PKN2: variants seen among roughly 807,000 people sequenced by gnomAD.
PKN2 encodes the protein protein kinase N2.
A neutral mutation model predicts 119.1 loss-of-function variants in PKN2; 38 were observed. The ratio of observed to expected loss-of-function variants is 0.32; its 90% CI spans 0.25 to 0.42. The LOEUF is 0.42. Ranked by LOEUF, PKN2 falls within the 10% of genes least tolerant of loss-of-function variation. The pLI is 1.00. For missense variants in PKN2, 850 were observed against 1,165.1 expected (o/e 0.73, Z 3.94); for synonymous variants, 390 against 384.9 (o/e 1.01, Z -0.15).
At chr1:88,817,367 G>A (rs979882819) in intron 16 of PKN2, among the ~76,000 whole-genome samples, 7 of 147,322 alleles carry the variant, frequency 4.8e-5, no homozygotes, top group African/African-American at 7.6e-5. Context: ...CGGAGATCAC[G>A]CCACTGCACT....
intron 19 of PKN2, 125 bp from the exon 20 acceptor site, chr1:88,832,607 ATTGTTGTTGTTG>A (rs3835587): frequency 6.8e-5 from 39 of 575,952 alleles, no homozygotes; most frequent in Non-Finnish European, 1.1e-4. Context: ...GCATGGGTTT[ATTGTTGTTGTTG>A]TTGTTGTTGT....
chr1:88,738,871 A>T (rs760954024), intron 1 of PKN2, among the ~76,000 whole-genome samples: 4 of 152,234 alleles, frequency 2.6e-5, no homozygotes, highest in African/African-American at 7.2e-5. Context: ...TTGGGATTTT[A>T]TTCTTTGACA....
chr1:88,751,814 C>T (rs926145387), intron 2 of PKN2, among the ~76,000 whole-genome samples: 5 of 152,096 alleles, frequency 3.3e-5, no homozygotes, highest in South Asian at 2.1e-4. Flanking sequence ...TTTAGAAAGA[C>T]GATTTCCCCT....
At chr1:88,709,349 G>C (rs1233460063) in intron 1 of PKN2, among the ~76,000 whole-genome samples, 3 of 151,988 alleles carry the variant, frequency 2.0e-5, no homozygotes, top group Admixed American at 2.0e-4. Context: ...ACTGCACCCG[G>C]CCCATCAAAA....
rs960807917 is a variant in PKN2 at position 88,703,204 on chromosome 1, T to G, written c.48+18576T>G. ...TTCATTCATGCTGAGCAACCAAAGT[T>G]TTTTTTTAATGTATAGTGAGAGATC... On this transcript the variant is annotated intron_variant, in intron 1 of 21. Coordinates refer to ENST00000370521, the MANE Select transcript of PKN2 (RefSeq NM_006256.4). 4.3e-4 allele frequency among the ~76,000 whole-genome samples: 66 copies of G among 152,122 alleles called. 3 individuals carry two copies. Among genetic ancestry groups the G allele is most frequent in the Admixed American group, 4.3e-3 (65 of 15,272 alleles).
intron 1 of PKN2, among the ~76,000 whole-genome samples, chr1:88,706,567 A>C (rs1667013796): frequency 6.6e-6 from 1 of 152,160 alleles, no homozygotes; most frequent in Non-Finnish European, 1.5e-5. Context: ...ATTAGGGAGA[A>C]AGCATGCAGC....
At chr1:88,697,307 T>C (rs1666578508) in intron 1 of PKN2, among the ~76,000 whole-genome samples, 1 of 152,164 alleles carries the variant, frequency 6.6e-6, no homozygotes, top group African/African-American at 2.4e-5. Context: ...AATAAATAAA[T>C]GAACAGATTT....
chr1:88,814,302 G>A (rs1671897730), intron 16 of PKN2, among the ~76,000 whole-genome samples: 1 of 152,096 alleles, frequency 6.6e-6, no homozygotes, highest in Admixed American at 6.6e-5. Flanking sequence ...TTGAATTCAA[G>A]GTTTGGCTTA....
chr1:88,717,413 C>T (rs1322752798), intron 1 of PKN2, among the ~76,000 whole-genome samples: 6 of 152,044 alleles, frequency 3.9e-5, no homozygotes, highest in African/African-American at 1.2e-4. Context: ...TCCATTCTCC[C>T]CATCACTTTC....
chr1:88,773,223 G>A (rs1205615586), intron 6 of PKN2, among the ~76,000 whole-genome samples: 1 of 146,312 alleles, frequency 6.8e-6, no homozygotes, highest in African/African-American at 2.7e-5. Context: ...CATTCTGTCA[G>A]TCTTTTTTTT....
intron 1 of PKN2, among the ~76,000 whole-genome samples, chr1:88,693,230 T>C (rs1021597597): frequency 1.3e-5 from 2 of 152,226 alleles, no homozygotes; most frequent in Non-Finnish European, 2.9e-5. Context: ...TGTGAGTCAG[T>C]TATTTAGGTA....
At position 88,684,514 on chromosome 1, in the gene PKN2, C is replaced by A. The variant is rs1320338624; in HGVS notation, c.-67C>A. ...CCCCTCTCCTCACCCCCACCCCGAG[C>A]CCCGTCCCGCCTTCTCCCTTCGCCA... is the stretch of plus-strand genomic sequence containing the variant. On this transcript the variant is annotated 5_prime_UTR_variant, in exon 1 of 22. Coordinates refer to ENST00000370521, the MANE Select transcript of PKN2 (RefSeq NM_006256.4). The A allele has an allele frequency of 2.1e-6, 3 of 1,401,424 alleles. No individual in the cohort carries two copies. The highest frequency in any genetic ancestry group is 2.9e-6 in the Non-Finnish European group (3 of 1,023,752). The allele number at this position is 1,401,424 out of a possible 1,614,324, so 86.8% of individuals were successfully genotyped here.
intron 1 of PKN2, among the ~76,000 whole-genome samples, chr1:88,702,608 C>T (rs1666817850): frequency 2.0e-5 from 3 of 152,042 alleles, no homozygotes; most frequent in African/African-American, 7.2e-5. Flanking sequence ...TTTATTTTAT[C>T]CCATATTCTT....
At chr1:88,753,138 C>G (rs1014303566) in intron 2 of PKN2, among the ~76,000 whole-genome samples, 1 of 152,162 alleles carries the variant, frequency 6.6e-6, no homozygotes, top group Non-Finnish European at 1.5e-5. Flanking sequence ...TGCCTACACC[C>G]TAGCTTATAT....
intron 2 of PKN2, among the ~76,000 whole-genome samples, chr1:88,757,667 T>G (rs1450678252): frequency 6.6e-6 from 1 of 152,076 alleles, no homozygotes; most frequent in Non-Finnish European, 1.5e-5. Flanking sequence ...AGTCTTTAGC[T>G]TTTATAGAAG....
intron 8 of PKN2, among the ~76,000 whole-genome samples, chr1:88,797,636 C>CA (rs1162541843): frequency 0.023 from 1,887 of 82,650 alleles, 37 homozygotes; most frequent in East Asian, 0.087. Context: ...GACTCCGTCT[C>CA]AAAAAAAAAA....
chr1:88,805,822 T>G (rs1305220886), intron 11 of PKN2, 69 bp from the exon 12 acceptor site: 1 of 1,608,680 alleles, frequency 6.2e-7, no homozygotes, highest in Non-Finnish European at 8.5e-7. Flanking sequence ...TTGTTTGCTT[T>G]AATTTTAAAG....
intron 1 of PKN2, among the ~76,000 whole-genome samples, chr1:88,732,003 A>G (rs1363805247): frequency 6.6e-6 from 1 of 152,246 alleles, no homozygotes; most frequent in Non-Finnish European, 1.5e-5. Context: ...TACCAAATAC[A>G]TATTATCACA....
At chr1:88,737,766 T>C (rs1435290708) in intron 1 of PKN2, among the ~76,000 whole-genome samples, 1 of 152,170 alleles carries the variant, frequency 6.6e-6, no homozygotes, top group Admixed American at 6.5e-5. Context: ...AGTGCTGAGC[T>C]ACAAGTCAAA....
Sources: allele counts gnomAD v4.1 joint callset (sites outside exome capture counted in the v4.1 genomes callset), GRCh38; gene constraint gnomAD v4.1.1; transcripts MANE v1.5; gene names NCBI Gene and HGNC (gene_info 2026-07-23, HGNC 2026-07-21).